Variants in RBFOX1 observed in about 807,000 individuals in gnomAD.
RBFOX1 encodes the protein RNA binding protein fox-1 homolog 1.
A neutral mutation model predicts 57.7 loss-of-function variants in RBFOX1; 8 were observed. The observed-to-expected ratio is 0.14, with a 90% confidence interval of 0.08 to 0.25. RBFOX1 has a LOEUF of 0.25. RBFOX1 is among the 10% of genes least tolerant of loss of function. The pLI is 1.00. For missense variants in RBFOX1, 611 were observed against 548.5 expected (o/e 1.11, Z -1.14); for synonymous variants, 326 against 222.4 (o/e 1.47, Z -4.15).
At chr16:6,908,760 A>T (rs371608540) in intron 3 of RBFOX1, among the ~76,000 whole-genome samples, 1 of 152,152 alleles carries the variant, frequency 6.6e-6, no homozygotes, top group Admixed American at 6.5e-5. Flanking sequence ...CTCACTGTGC[A>T]ATCTGGGACC....
intron 1 of RBFOX1, among the ~76,000 whole-genome samples, chr16:5,388,350 C>G (rs578116442): frequency 2.0e-4 from 31 of 152,262 alleles, no homozygotes; most frequent in African/African-American, 6.7e-4. Flanking sequence ...CAAGCGACAA[C>G]AAGCTTTTTC....
chr16:6,483,661 G>T (rs2095412010), intron 2 of RBFOX1: 1 of 1,116,762 alleles, frequency 9.0e-7, no homozygotes, highest in African/African-American at 1.7e-5. Flanking sequence ...GAAGCCCACT[G>T]ACTCCGCGGG....
rs1458570534 is a variant in RBFOX1 at position 5,816,807 on chromosome 16, A to G, written c.319-50496A>G. Reference sequence around the variant, plus strand: ...CAAAAAAGAAATTATATAGCCCTAGATCTAGGCTGAAAAAGATGCTATTCT... The same window carrying G: ...CAAAAAAGAAATTATATAGCCCTAGGTCTAGGCTGAAAAAGATGCTATTCT... On this transcript the variant is annotated intron_variant, in intron 3 of 19. Transcript: ENST00000641259. Among the ~76,000 whole-genome samples, 5 of 152,244 alleles carry G rather than the reference A, an allele frequency of 3.3e-5. No individual in the cohort carries two copies. The East Asian group carries it at 9.7e-4, about 29-fold the overall frequency.
At chr16:7,178,700 A>G (rs2152505815) in intron 4 of RBFOX1, among the ~76,000 whole-genome samples, 1 of 152,288 alleles carries the variant, frequency 6.6e-6, no homozygotes, top group East Asian at 1.9e-4. Context: ...GGTAAAAGTC[A>G]TTATCAGTTT....
At chr16:5,603,644 T>A (rs2047444783), downstream of RBFOX1, among the ~76,000 whole-genome samples, 1 of 152,200 alleles carries the variant, frequency 6.6e-6, no homozygotes, top group African/African-American at 2.4e-5. Flanking sequence ...TTTCCTTGAT[T>A]ATTAGAAAAA....
At chr16:6,444,522 GCT>G (rs2094447100) in intron 2 of RBFOX1, among the ~76,000 whole-genome samples, 1 of 152,100 alleles carries the variant, frequency 6.6e-6, no homozygotes, top group African/African-American at 2.4e-5. Context: ...CCCTGCACAA[GCT>G]CTCTCTCTTT....
intron 4 of RBFOX1, among the ~76,000 whole-genome samples, chr16:5,930,724 GAGTA>G (rs2059035196): frequency 8.1e-6 from 1 of 123,354 alleles, no homozygotes; most frequent in Non-Finnish European, 1.7e-5. Context: ...GTGGGAGGGT[GAGTA>G]GGTGGGCAGG....
intron 3 of RBFOX1, among the ~76,000 whole-genome samples, chr16:5,759,338 A>C (rs1228898898): frequency 6.6e-6 from 1 of 152,186 alleles, no homozygotes; most frequent in Non-Finnish European, 1.5e-5. Flanking sequence ...AGAGAGATGT[A>C]TCTCTGTTCT....
intron 2 of RBFOX1, among the ~76,000 whole-genome samples, chr16:5,569,058 G>T (rs910725543): frequency 6.7e-6 from 1 of 150,220 alleles, no homozygotes; most frequent in South Asian, 2.1e-4. Flanking sequence ...CATCATATTG[G>T]TCAGGTTGGT....
At chr16:6,494,176 A>G (rs1440088260) in intron 2 of RBFOX1, among the ~76,000 whole-genome samples, 2 of 152,240 alleles carry the variant, frequency 1.3e-5, no homozygotes, top group Admixed American at 6.5e-5. Context: ...ATCACATCGT[A>G]TCGAGGATAC....
At chr16:6,236,128 A>G (rs1003330761) in intron 1 of RBFOX1, among the ~76,000 whole-genome samples, 2 of 152,236 alleles carry the variant, frequency 1.3e-5, no homozygotes, top group African/African-American at 4.8e-5. Flanking sequence ...TTAAAAGCAA[A>G]ACATATTCCA....
chr16:7,413,865 TCA>T (rs966358836), intron 4 of RBFOX1, among the ~76,000 whole-genome samples: 15 of 152,162 alleles, frequency 9.9e-5, no homozygotes, highest in Non-Finnish European at 2.2e-4. Context: ...ATGAGACTCA[TCA>T]CTTTGGCTTT....
At chr16:5,813,752 C>A (rs114154873) in intron 3 of RBFOX1, among the ~76,000 whole-genome samples, 2 of 152,170 alleles carry the variant, frequency 1.3e-5, no homozygotes, top group East Asian at 3.8e-4. Context: ...GGCATCAGCA[C>A]GTGCTTACTA....
intron 4 of RBFOX1, among the ~76,000 whole-genome samples, chr16:7,436,130 T>C (rs979686035): frequency 6.6e-6 from 1 of 152,198 alleles, no homozygotes; most frequent in South Asian, 2.1e-4. Flanking sequence ...GGAGGACAGA[T>C]TGGAAGTACA....
At chr16:7,009,490 GAGA>G (rs2093543703) in intron 3 of RBFOX1, among the ~76,000 whole-genome samples, 1 of 151,960 alleles carries the variant, frequency 6.6e-6, no homozygotes, top group South Asian at 2.1e-4. Context: ...CCAAGCACAG[GAGA>G]AGATTAATCA....
At chr16:6,373,620 T>G (rs2090784035) in intron 2 of RBFOX1, among the ~76,000 whole-genome samples, 2 of 151,892 alleles carry the variant, frequency 1.3e-5, no homozygotes. Context: ...TGGCAAAATC[T>G]TTGAGTAGGA....
chr16:5,476,046 C>T (rs558698159), intron 2 of RBFOX1, among the ~76,000 whole-genome samples: 40 of 152,104 alleles, frequency 2.6e-4, no homozygotes, highest in Non-Finnish European at 4.9e-4. Flanking sequence ...CCAGGCTCCT[C>T]CCTGCCTTGT....
At chr16:6,005,252 A>G (rs942418909) in intron 4 of RBFOX1, among the ~76,000 whole-genome samples, 1 of 152,252 alleles carries the variant, frequency 6.6e-6, no homozygotes, top group Non-Finnish European at 1.5e-5. Flanking sequence ...ATTTTCTAAT[A>G]CAATAGCCAT....
At chr16:7,563,070 G>A (rs1038346671) in intron 5 of RBFOX1, among the ~76,000 whole-genome samples, 1 of 152,184 alleles carries the variant, frequency 6.6e-6, no homozygotes, top group Non-Finnish European at 1.5e-5. Flanking sequence ...AAGAAGCTCT[G>A]AGGCCCTCTG....
Sources: allele counts gnomAD v4.1 joint callset (sites outside exome capture counted in the v4.1 genomes callset), GRCh38; gene constraint gnomAD v4.1.1; transcripts MANE v1.5; gene names NCBI Gene and HGNC (gene_info 2026-07-23, HGNC 2026-07-21).